The following DIAPH2 variants were observed in gnomAD, a reference collection of about 807,000 sequenced individuals.
DIAPH2 encodes protein diaphanous homolog 2.
A neutral mutation model predicts 92.7 loss-of-function variants in DIAPH2; 35 were observed. That is an observed-to-expected ratio of 0.38 (90% confidence interval 0.29 to 0.50). The LOEUF is 0.50. Ranked by LOEUF, DIAPH2 falls within the 20% of genes least tolerant of loss-of-function variation. The pLI, the probability that DIAPH2 is intolerant of heterozygous loss-of-function variation, is 0.94. For missense variants in DIAPH2, 701 were observed against 819.5 expected (o/e 0.86, Z 1.77); for synonymous variants, 301 against 280.4 (o/e 1.07, Z -0.73).
chrX:97,549,072 A>C (rs1366452745), intron 26 of DIAPH2, among the ~76,000 whole-genome samples: 1 of 112,438 alleles, frequency 8.9e-6, no homozygotes, highest in African/African-American at 3.2e-5. Context: ...TAATTTTAAA[A>C]CATTTCTAAT....
At chrX:97,244,553 A>G (rs2068123684) in intron 22 of DIAPH2, among the ~76,000 whole-genome samples, 1 of 112,241 alleles carries the variant, frequency 8.9e-6, no homozygotes, top group African/African-American at 3.2e-5. Context: ...TTTAGGTTTT[A>G]CATAACTTGA....
intron 22 of DIAPH2, among the ~76,000 whole-genome samples, chrX:97,235,304 G>T (rs2068039029): frequency 1.8e-5 from 2 of 111,785 alleles, no homozygotes; most frequent in Non-Finnish European, 3.8e-5. Flanking sequence ...AGAAGAAGAC[G>T]TTTTGAAAAC....
intron 4 of DIAPH2, among the ~76,000 whole-genome samples, chrX:96,825,339 T>TA (rs1348814577): frequency 3.5e-4 from 37 of 106,396 alleles, no homozygotes; most frequent in African/African-American, 1.2e-3. Context: ...ATTGTTTGAT[T>TA]ACTACATGTG....
intron 23 of DIAPH2, among the ~76,000 whole-genome samples, chrX:97,341,746 AAG>A (rs905419383): frequency 2.7e-5 from 3 of 110,999 alleles, no homozygotes; most frequent in Non-Finnish European, 5.7e-5. Flanking sequence ...TCAGCTCCAG[AAG>A]AGAGAGAGAG....
At chrX:96,994,807 AACTC>A (rs1034352145) in intron 17 of DIAPH2, among the ~76,000 whole-genome samples, 1 of 111,142 alleles carries the variant, frequency 9.0e-6, no homozygotes, top group Non-Finnish European at 1.9e-5. Context: ...ATGTCATGAG[AACTC>A]ACTCACTGTC....
chrX:97,445,397 C>T (rs759594096), intron 26 of DIAPH2, among the ~76,000 whole-genome samples: 1 of 110,349 alleles, frequency 9.1e-6, no homozygotes, highest in East Asian at 2.8e-4. Context: ...CTGTTTATCT[C>T]CCTCGTAACA....
chrX:97,162,224 G>A (rs1169323308), intron 22 of DIAPH2, among the ~76,000 whole-genome samples: 1 of 110,739 alleles, frequency 9.0e-6, no homozygotes, highest in Non-Finnish European at 1.9e-5. Context: ...AGTATAGTGT[G>A]GTGGTTAAAA....
chrX:97,030,180 C>T (rs2066363714), intron 17 of DIAPH2, among the ~76,000 whole-genome samples: 1 of 111,228 alleles, frequency 9.0e-6, no homozygotes, highest in Non-Finnish European at 1.9e-5. Context: ...TTTAACCACC[C>T]CTGGGTTGCC....
chrX:97,383,824 CAGTG>C, intron 24 of DIAPH2, 81 bp from the exon 25 acceptor site: 1 of 854,139 alleles, frequency 1.2e-6, no homozygotes, highest in Non-Finnish European at 1.6e-6. Context: ...GTATAGGAAG[CAGTG>C]AGAGAAAATT....
intron 26 of DIAPH2, among the ~76,000 whole-genome samples, chrX:97,534,141 C>A (rs1362194192): frequency 3.6e-5 from 4 of 111,133 alleles, no homozygotes; most frequent in African/African-American, 6.5e-5. Flanking sequence ...TGGAAGAATT[C>A]TATAGTTTTT....
At chrX:96,717,935 A>G (rs1271904150) in intron 1 of DIAPH2, among the ~76,000 whole-genome samples, 1 of 101,073 alleles carries the variant, frequency 9.9e-6, no homozygotes, top group East Asian at 3.1e-4. Flanking sequence ...CATCACCTCA[A>G]ACATCCTTTG....
intron 23 of DIAPH2, among the ~76,000 whole-genome samples, chrX:97,271,937 T>G (rs2068391164): frequency 9.0e-6 from 1 of 110,754 alleles, no homozygotes; most frequent in Non-Finnish European, 1.9e-5. Flanking sequence ...CTGTAGTCTA[T>G]GAAAACTTGT....
At chrX:96,824,518 C>T (rs1304085018) in intron 4 of DIAPH2, among the ~76,000 whole-genome samples, 5 of 110,406 alleles carry the variant, frequency 4.5e-5, no homozygotes, top group Non-Finnish European at 9.5e-5. Flanking sequence ...TTTACAATGT[C>T]AGCTTTAGAT....
In DIAPH2 at chrX:96,706,585, G is replaced by A. The variant is rs143077626; in HGVS notation, c.132+21395G>A. On this transcript the variant is annotated intron_variant, in intron 1 of 26. Coordinates refer to ENST00000324765, the MANE Select transcript of DIAPH2 (RefSeq NM_006729.5). ...GTGGAGTTGGGAGAGATGAAAGTAG[G>A]TGGGAAGATGAATTTGTTTCTGGAT... Among the ~76,000 whole-genome samples the A allele has an allele frequency of 5.7e-4, 64 of 111,971 alleles. No individual in the cohort carries two copies. In the East Asian group the frequency reaches 0.017, roughly 30 times the overall value.
chrX:96,925,760 T>C (rs2065576741), intron 9 of DIAPH2, among the ~76,000 whole-genome samples: 1 of 111,849 alleles, frequency 8.9e-6, no homozygotes, highest in African/African-American at 3.2e-5. Flanking sequence ...TGTTGCTTTC[T>C]CTTTCGCCTC....
At chrX:97,446,417 A>C (rs1427885321) in intron 26 of DIAPH2, among the ~76,000 whole-genome samples, 1 of 112,020 alleles carries the variant, frequency 8.9e-6, no homozygotes, top group Non-Finnish European at 1.9e-5. Context: ...AAATTCAGTC[A>C]AAATAGTTCT....
chrX:97,374,700 G>A (rs1484551972), intron 24 of DIAPH2, among the ~76,000 whole-genome samples: 1 of 112,042 alleles, frequency 8.9e-6, no homozygotes, highest in East Asian at 2.8e-4. Flanking sequence ...AATCCAATAT[G>A]CCCTTTAAAC....
chrX:97,220,413 A>G lies in DIAPH2; in HGVS notation c.2720-27302A>G, dbSNP rs2067915640. Among the ~76,000 whole-genome samples the G allele has an allele frequency of 3.6e-5, 4 of 111,166 alleles. No individual in the cohort carries two copies. In the Admixed American group the frequency reaches 3.8e-4, roughly 11 times the overall value. ...GAAATCTCAGATGACCTTTAATGTC[A>G]TAACTGAACTTGGGTTTTGAGGAGA... On this transcript the variant is annotated intron_variant, in intron 22 of 26. Transcript: ENST00000324765.
intron 4 of DIAPH2, among the ~76,000 whole-genome samples, chrX:96,840,614 T>A (rs1460764102): frequency 9.0e-6 from 1 of 110,725 alleles, no homozygotes; most frequent in Non-Finnish European, 1.9e-5. Context: ...GATTTTTTTT[T>A]ATTATTATTT....
Sources: gnomAD v4.1 joint callset for allele counts (sites outside exome capture counted in the v4.1 genomes callset) on GRCh38, gnomAD v4.1.1 for gene constraint, MANE v1.5 for transcripts, NCBI Gene and HGNC (gene_info 2026-07-23, HGNC 2026-07-21) for gene names.